NBAS: variants seen among roughly 807,000 people sequenced by gnomAD.
NBAS encodes NBAS subunit of NRZ tethering complex, also known as NAG/BC035112 fusion.
A neutral mutation model predicts 302.5 loss-of-function variants in NBAS; 219 were observed. The observed-to-expected ratio is 0.72, with a 90% CI of 0.65 to 0.81. The LOEUF (loss-of-function observed/expected upper bound fraction) is 0.81, where lower values mean the gene tolerates loss of function less well. Among genes scored for constraint, NBAS ranks in the 30% least tolerant of loss-of-function variants. The pLI is 0.00. For synonymous variants in NBAS, 1,118 were observed against 1,021.6 expected (o/e 1.09, Z -1.80); for missense variants, 2,932 against 2,841.6 (o/e 1.03, Z -0.72).
At chr2:15,406,385 A>T (rs1235386205) in intron 25 of NBAS, among the ~76,000 whole-genome samples, 1 of 152,186 alleles carries the variant, frequency 6.6e-6, no homozygotes, top group Non-Finnish European at 1.5e-5. Context: ...AAATAAAATC[A>T]GATCCATGTC....
At chr2:15,386,667 G>A (rs1376644722) in intron 28 of NBAS, among the ~76,000 whole-genome samples, 1 of 152,044 alleles carries the variant, frequency 6.6e-6, no homozygotes, top group East Asian at 1.9e-4. Flanking sequence ...CTACTGTCCG[G>A]CAAGCACCTC....
chr2:15,176,617 T>C (rs1464655674), intron 51 of NBAS, among the ~76,000 whole-genome samples: 1 of 152,250 alleles, frequency 6.6e-6, no homozygotes, highest in Admixed American at 6.5e-5. Flanking sequence ...TGTCAGTTTT[T>C]TCAGATTTTG....
At chr2:14,897,993 C>T in the NBAS span, among the ~76,000 whole-genome samples, 3 of 152,072 alleles carry the variant, frequency 2.0e-5, no homozygotes, top group African/African-American at 7.2e-5. Flanking sequence ...GAGGAGGGTC[C>T]CAGTGTTTGT....
chr2:15,090,134 G>A, the NBAS span, among the ~76,000 whole-genome samples: 6 of 152,178 alleles, frequency 3.9e-5, no homozygotes, highest in African/African-American at 1.4e-4. Flanking sequence ...AGCACGTCAA[G>A]TCCCTGCCCC....
chr2:14,908,055 G>A, the NBAS span, among the ~76,000 whole-genome samples: 1 of 152,178 alleles, frequency 6.6e-6, no homozygotes, highest in African/African-American at 2.4e-5. Flanking sequence ...AAACTCTGGG[G>A]GTGAGTCCCA....
intron 48 of NBAS, among the ~76,000 whole-genome samples, chr2:15,207,492 A>G (rs1008430410): frequency 5.3e-5 from 8 of 152,172 alleles, no homozygotes; most frequent in African/African-American, 1.9e-4. Flanking sequence ...ATTGGTTTTG[A>G]AAAGTGAAAG....
At chr2:14,895,657 G>A in the NBAS span, among the ~76,000 whole-genome samples, 2 of 151,576 alleles carry the variant, frequency 1.3e-5, no homozygotes, top group Non-Finnish European at 2.9e-5. Context: ...GGAGAATGGC[G>A]TGAACCCGGG....
At chr2:14,974,196 T>C in the NBAS span, among the ~76,000 whole-genome samples, 208 of 152,366 alleles carry the variant, frequency 1.4e-3, no homozygotes, top group Non-Finnish European at 2.5e-3. Flanking sequence ...TGAGGGAAGA[T>C]ACCATGTCTT....
chr2:15,370,422 A>C (rs1444647304), intron 31 of NBAS, among the ~76,000 whole-genome samples: 1 of 152,184 alleles, frequency 6.6e-6, no homozygotes, highest in African/African-American at 2.4e-5. Flanking sequence ...CACTCCAAGT[A>C]GCTGGGACTA....
intron 44 of NBAS, among the ~76,000 whole-genome samples, chr2:15,245,928 C>T (rs753286016): frequency 2.0e-5 from 3 of 152,116 alleles, no homozygotes; most frequent in Admixed American, 6.5e-5. Context: ...AAGGGTTGTA[C>T]AGAAACAGGC....
the NBAS span, among the ~76,000 whole-genome samples, chr2:14,883,731 G>A: frequency 1.3e-5 from 2 of 152,068 alleles, no homozygotes; most frequent in Admixed American, 1.3e-4. Context: ...AGCACTTTGG[G>A]GGACCAAGGC....
chr2:15,464,076 C>G (rs920929803), intron 19 of NBAS, among the ~76,000 whole-genome samples: 1 of 152,092 alleles, frequency 6.6e-6, no homozygotes, highest in African/African-American at 2.4e-5. Context: ...ACATCGGGCT[C>G]ATCACACCAC....
the NBAS span, among the ~76,000 whole-genome samples, chr2:15,122,220 T>G: frequency 6.6e-6 from 1 of 151,950 alleles, no homozygotes; most frequent in Non-Finnish European, 1.5e-5. Context: ...AATTGGCTCA[T>G]GATTCTTTAG....
chr2:15,206,534 G>A (rs1051006492), intron 48 of NBAS, among the ~76,000 whole-genome samples: 1 of 152,208 alleles, frequency 6.6e-6, no homozygotes, highest in Non-Finnish European at 1.5e-5. Context: ...AATGTCTCCA[G>A]GGCATGTCAG....
the NBAS span, among the ~76,000 whole-genome samples, chr2:14,800,975 G>A: frequency 1.3e-5 from 2 of 151,840 alleles, no homozygotes; most frequent in African/African-American, 4.8e-5. Flanking sequence ...GTTAGGAAAA[G>A]TATTGATTTT....
intron 51 of NBAS, among the ~76,000 whole-genome samples, chr2:15,175,160 G>A (rs547952044): frequency 6.6e-6 from 1 of 152,162 alleles, no homozygotes; most frequent in East Asian, 1.9e-4. Flanking sequence ...TGGAGACGGG[G>A]TTTCACCGTG....
the NBAS span, among the ~76,000 whole-genome samples, chr2:15,073,683 C>T: frequency 3.3e-5 from 5 of 152,068 alleles, no homozygotes; most frequent in South Asian, 1.0e-3. Flanking sequence ...CAGAAATATA[C>T]ATACACGTGC....
chr2:15,331,618 T>C (rs1672353550), intron 35 of NBAS, among the ~76,000 whole-genome samples: 1 of 152,236 alleles, frequency 6.6e-6, no homozygotes, highest in Non-Finnish European at 1.5e-5. Context: ...CTTAGATCTA[T>C]ATCATGTTAT....
chr2:14,917,462 C>T, the NBAS span, among the ~76,000 whole-genome samples: 3 of 152,178 alleles, frequency 2.0e-5, no homozygotes, highest in Non-Finnish European at 4.4e-5. Flanking sequence ...ACTTTTGTAA[C>T]CTAATCACGG....
Sources: gnomAD v4.1 joint callset for allele counts (sites outside exome capture counted in the v4.1 genomes callset) on GRCh38, gnomAD v4.1.1 for gene constraint, MANE v1.5 for transcripts, NCBI Gene and HGNC (gene_info 2026-07-23, HGNC 2026-07-21) for gene names.